The following SLC36A4 variants were observed in gnomAD, a reference collection of about 807,000 sequenced individuals.
SLC36A4 encodes solute carrier family 36 member 4.
Under a neutral mutation model 50.5 loss-of-function variants are expected in SLC36A4, and 49 were observed. The ratio of observed to expected loss-of-function variants is 0.97; its 90% CI spans 0.77 to 1.23. The LOEUF (loss-of-function observed/expected upper bound fraction) is 1.23, where lower values mean the gene tolerates loss of function less well. Among genes scored for constraint, SLC36A4 ranks in the 50% most tolerant of loss-of-function variants. SLC36A4 has a pLI of 0.00. For missense variants in SLC36A4, 611 were observed against 608.4 expected, an observed-to-expected ratio of 1.00 and a Z score of -0.05; for synonymous variants, 207 against 206.5, an observed-to-expected ratio of 1.00 and a Z score of -0.02.
intron 6 of SLC36A4, among the ~76,000 whole-genome samples, chr11:93,170,882 C>T (rs535455162): frequency 7.2e-5 from 11 of 152,148 alleles, no homozygotes; most frequent in African/African-American, 2.2e-4. Context: ...TGTGTGGCAA[C>T]TAAACCCTTA....
At position 93,148,488 on chromosome 11, in the gene SLC36A4, T is replaced by C. The variant is rs1241906003; in HGVS notation, c.*49A>G. On this transcript the variant is annotated 3_prime_UTR_variant, in exon 11 of 11. Transcript: ENST00000326402. ...CAATGTATTTTACTAGTTATCTTGA[T>C]AATTTTCAGAAATGGGACAAAAATA... 4.6e-6 allele frequency: 7 copies of C among 1,508,648 alleles called. No homozygotes were observed. The highest frequency in any genetic ancestry group is 3.6e-5 in the South Asian group (3 of 82,204). The allele number at this position is 1,508,648 out of a possible 1,614,324, so 93.5% of individuals were successfully genotyped here.
chr11:93,190,241 T>C (rs1466984079), intron 1 of SLC36A4, among the ~76,000 whole-genome samples: 1 of 152,158 alleles, frequency 6.6e-6, no homozygotes, highest in African/African-American at 2.4e-5. Context: ...TTAACAAAAA[T>C]TTAATTATTC....
chr11:93,182,622 AAAAT>A (rs1485757522), intron 4 of SLC36A4, among the ~76,000 whole-genome samples, 180 bp downstream of exon 4: 3 of 152,154 alleles, frequency 2.0e-5, no homozygotes, highest in South Asian at 2.1e-4. Flanking sequence ...CTACCTTTTA[AAAAT>A]AAATAGATTC....
intron 1 of SLC36A4, among the ~76,000 whole-genome samples, chr11:93,196,018 T>A (rs1412695090): frequency 6.6e-6 from 1 of 152,180 alleles, no homozygotes; most frequent in Non-Finnish European, 1.5e-5. Context: ...AAATACAAGC[T>A]CCATTAAGAA....
chr11:93,193,672 G>A (rs188414207), intron 1 of SLC36A4, among the ~76,000 whole-genome samples: 1 of 152,084 alleles, frequency 6.6e-6, no homozygotes, highest in East Asian at 1.9e-4. Context: ...AAATTAGGCA[G>A]TGCTTGTATG....
At chr11:93,181,834 G>T (rs780061409) in intron 4 of SLC36A4, 48 bp from the exon 5 acceptor site, 5 of 1,451,476 alleles carry the variant, frequency 3.4e-6, no homozygotes, top group Non-Finnish European at 3.7e-6. Context: ...AAATTTTAAG[G>T]TGGTCCATAA....
chr11:93,174,986 C>T (rs1305046083), intron 6 of SLC36A4, among the ~76,000 whole-genome samples: 4 of 151,528 alleles, frequency 2.6e-5, no homozygotes, highest in Non-Finnish European at 4.4e-5. Context: ...AGGATTCCCT[C>T]TTTTTCTATT....
intron 10 of SLC36A4, 86 bp from the exon 11 acceptor site, chr11:93,148,930 A>T (rs3758676): frequency 0.19 from 227,225 of 1,171,160 alleles, 25,674 homozygotes; most frequent in East Asian, 0.43. Flanking sequence ...CAATACTGAA[A>T]GTAATTACTA....
Position 93,145,801 on chromosome 11 carries a change from A to T in SLC36A4, c.*2736T>A, listed in dbSNP as rs72968521. Reference sequence around the variant, plus strand: ...TCTCATTTCTCCAGGCTCCCAAAATAAAAGCAAGAGCTGGTATAATCGAAA... The same window carrying T: ...TCTCATTTCTCCAGGCTCCCAAAATTAAAGCAAGAGCTGGTATAATCGAAA... On this transcript the variant is annotated 3_prime_UTR_variant, in exon 11 of 11. Transcript: ENST00000326402. The T allele has an allele frequency of 2.0e-5, 3 of 152,240 alleles. No individual in the cohort carries two copies. The highest frequency in any genetic ancestry group is 4.4e-5 in the Non-Finnish European group (3 of 67,996). 9.4% of individuals were successfully genotyped at this position (152,240 alleles called of 1,614,324 possible).
intron 9 of SLC36A4, 38 bp from the exon 10 acceptor site, chr11:93,154,315 T>G: frequency 9.1e-7 from 1 of 1,104,920 alleles, no homozygotes; most frequent in Non-Finnish European, 1.2e-6. Context: ...TCATTTTTAA[T>G]GTGAATTTAG....
chr11:93,178,276 A>G (rs1565232111), intron 6 of SLC36A4, among the ~76,000 whole-genome samples: 1 of 151,978 alleles, frequency 6.6e-6, no homozygotes, highest in African/African-American at 2.4e-5. Flanking sequence ...GAGTGTCCCA[A>G]TTTTCCAGGT....
intron 6 of SLC36A4, among the ~76,000 whole-genome samples, chr11:93,174,877 A>G (rs1166084867): frequency 7.3e-6 from 1 of 136,394 alleles, no homozygotes; most frequent in Non-Finnish European, 1.6e-5. Context: ...TTTTGCATCA[A>G]TGTTCATCAA....
intron 2 of SLC36A4, among the ~76,000 whole-genome samples, chr11:93,184,797 G>A (rs1185341598): frequency 6.6e-6 from 1 of 152,064 alleles, no homozygotes; most frequent in African/African-American, 2.4e-5. Flanking sequence ...AAAGACTAAA[G>A]GCATTCTCTT....
In SLC36A4 at chr11:93,154,104, T is replaced by A; in HGVS notation, c.1207+4A>T. On this transcript the variant is annotated splice_donor_region_variant and intron_variant, in intron 10 of 10. Coordinates refer to ENST00000326402, the MANE Select transcript of SLC36A4 (RefSeq NM_152313.4). ...TTATGATATAAATATATAATGATAC[T>A]TACAAGTAATACTAACCAAGAAGGA... The A allele has an allele frequency of 7.2e-7, 1 of 1,393,630 alleles. No individual in the cohort carries two copies. The allele number at this position is 1,393,630 out of a possible 1,614,324, so 86.3% of individuals were successfully genotyped here.
chr11:93,183,936 G>A (rs1179024495), intron 3 of SLC36A4, among the ~76,000 whole-genome samples: 1 of 152,084 alleles, frequency 6.6e-6, no homozygotes, highest in African/African-American at 2.4e-5. Context: ...CTGACCTCGT[G>A]ATCTGCCCAC....
intron 9 of SLC36A4, among the ~76,000 whole-genome samples, chr11:93,158,339 GTAA>G (rs1360311190): frequency 1.3e-5 from 2 of 151,824 alleles, no homozygotes; most frequent in African/African-American, 4.8e-5. Flanking sequence ...TTAAAATGTG[GTAA>G]TAATATATTT....
chr11:93,148,226 ACTTG>A lies in SLC36A4; in HGVS notation c.*307_*310del. 1 of 213,240 alleles carries A rather than the reference ACTTG, an allele frequency of 4.7e-6. No individual in the cohort carries two copies. Among genetic ancestry groups the A allele is most frequent in the South Asian group, 7.9e-5 (1 of 12,646 alleles). 13.2% of individuals were successfully genotyped at this position (213,240 alleles called of 1,614,324 possible). On this transcript the variant is annotated 3_prime_UTR_variant, in exon 11 of 11. Coordinates refer to ENST00000326402, the MANE Select transcript of SLC36A4 (RefSeq NM_152313.4). ...AAAAGAGTAGCATAAAAGAGAGATA[ACTTG>A]GTTAAGGTATTTCTTACTGAGATAA...
chr11:93,187,748 C>T (rs373790009), intron 1 of SLC36A4, among the ~76,000 whole-genome samples: 19 of 152,292 alleles, frequency 1.2e-4, no homozygotes, highest in African/African-American at 4.1e-4. Context: ...GCAAAAGCAG[C>T]TGGCATGTCT....
Position 93,162,869 on chromosome 11 carries a change from G to C in SLC36A4, c.874C>G (p.Pro292Ala). The change falls in exon 9 of 11, where the codon CCA becomes GCA. Residue 292 changes from proline (P) to alanine (A), a missense_variant. By Grantham distance (27) the Pro-to-Ala change is conservative. Coordinates refer to ENST00000326402, the MANE Select transcript of SLC36A4 (RefSeq NM_152313.4). ...GATTCTTTCATTTGGTTTTCCAGTGGAAGGACCTAAGAAAAGAATACAATA... is the reference window on the plus strand; with the variant it reads ...GATTCTTTCATTTGGTTTTCCAGTGCAAGGACCTAAGAAAAGAATACAATA... ...FAFEGIGVVL[P>A]LENQMKESKR... is the part of the protein sequence containing the mutation. The C allele has an allele frequency of 1.2e-6, 2 of 1,612,354 alleles. No individual in the cohort carries two copies. Among genetic ancestry groups the C allele is most frequent in the Non-Finnish European group, 1.7e-6 (2 of 1,179,412 alleles).
Sources: allele counts gnomAD v4.1 joint callset (sites outside exome capture counted in the v4.1 genomes callset), GRCh38; gene constraint gnomAD v4.1.1; transcripts MANE v1.5; gene names NCBI Gene and HGNC (gene_info 2026-07-23, HGNC 2026-07-21).